The following MYRIP variants were observed in gnomAD, a reference collection of about 807,000 sequenced individuals.
MYRIP encodes the protein myosin VIIA and Rab interacting protein.
Under a neutral mutation model 98.0 loss-of-function variants are expected in MYRIP, and 49 were observed. That is an observed-to-expected ratio of 0.50 (90% CI 0.40 to 0.63). MYRIP has a LOEUF of 0.63. Ranked by LOEUF, MYRIP falls within the 30% of genes least tolerant of loss-of-function variation. MYRIP has a pLI of 0.00. For missense variants in MYRIP, 1,004 were observed against 1,058.2 expected, an observed-to-expected ratio of 0.95 and a Z score of 0.71; for synonymous variants, 404 against 409.5, an observed-to-expected ratio of 0.99 and a Z score of 0.16.
At chr3:39,996,428 G>A (rs901952554) in intron 2 of MYRIP, among the ~76,000 whole-genome samples, 2 of 152,160 alleles carry the variant, frequency 1.3e-5, no homozygotes, top group Non-Finnish European at 2.9e-5. Flanking sequence ...GATCAAAGGA[G>A]ACAAAGAAGG....
chr3:39,923,179 T>C (rs1226104243), intron 2 of MYRIP, among the ~76,000 whole-genome samples: 1 of 151,924 alleles, frequency 6.6e-6, no homozygotes, highest in East Asian at 1.9e-4. Flanking sequence ...GGACTGAAAG[T>C]GAATAGAGCC....
intron 2 of MYRIP, among the ~76,000 whole-genome samples, chr3:40,025,895 G>A (rs1947114355): frequency 6.6e-6 from 1 of 152,082 alleles, no homozygotes; most frequent in Non-Finnish European, 1.5e-5. Context: ...AGATCACAAG[G>A]CAAAGAGCAA....
intron 3 of MYRIP, among the ~76,000 whole-genome samples, chr3:40,048,412 G>A (rs1947715570): frequency 6.6e-6 from 1 of 151,970 alleles, no homozygotes; most frequent in Non-Finnish European, 1.5e-5. Context: ...AAAAATTCTT[G>A]TCCACAAAAA....
intron 1 of MYRIP, among the ~76,000 whole-genome samples, chr3:39,894,375 A>T (rs1205835820): frequency 6.6e-6 from 1 of 152,178 alleles, no homozygotes; most frequent in Non-Finnish European, 1.5e-5. Flanking sequence ...TGAACTTTAT[A>T]CAATTGGGAT....
intron 3 of MYRIP, among the ~76,000 whole-genome samples, chr3:40,113,531 TA>T (rs1257279355): frequency 5.9e-5 from 9 of 152,202 alleles, no homozygotes; most frequent in African/African-American, 1.4e-4. Context: ...GATAGTTATT[TA>T]ATAAATACTG....
Position 40,204,007 on chromosome 3 carries a change from T to TA in MYRIP, c.1666-5847_1666-5846insA, listed in dbSNP as rs1951683339. On this transcript the variant is annotated intron_variant, in intron 10 of 16. Coordinates refer to ENST00000302541, the MANE Select transcript of MYRIP (RefSeq NM_015460.4). ...TAATATATATTATATATATTATATA[T>TA]TATATATAATATATATTATATATAT... Among the ~76,000 whole-genome samples the TA allele has an allele frequency of 5.5e-4, 4 of 7,208 alleles. 1 individual carries two copies. The highest frequency in any genetic ancestry group is 1.6e-3 in the African/African-American group (4 of 2,578). 4.7% of individuals were successfully genotyped at this position (7,208 alleles called of 152,430 possible).
At chr3:40,128,454 TTTCA>T (rs2125916293) in intron 3 of MYRIP, among the ~76,000 whole-genome samples, 1 of 152,304 alleles carries the variant, frequency 6.6e-6, no homozygotes, top group South Asian at 2.1e-4. Flanking sequence ...TATATAGCAT[TTTCA>T]CAACACCCTT....
chr3:39,858,398 G>C (rs1175848851), intron 1 of MYRIP, among the ~76,000 whole-genome samples: 1 of 152,030 alleles, frequency 6.6e-6, no homozygotes, highest in African/African-American at 2.4e-5. Flanking sequence ...AAAGAAAATA[G>C]TAACAGAGTT....
chr3:39,931,472 T>C (rs1208925882), intron 2 of MYRIP, among the ~76,000 whole-genome samples: 1 of 152,040 alleles, frequency 6.6e-6, no homozygotes, highest in African/African-American at 2.4e-5. Context: ...CATCTTTGCA[T>C]AGAGATAATT....
At chr3:40,128,018 C>T (rs538717758) in intron 3 of MYRIP, among the ~76,000 whole-genome samples, 2 of 152,152 alleles carry the variant, frequency 1.3e-5, no homozygotes, top group Non-Finnish European at 2.9e-5. Context: ...TCTGAAAAAC[C>T]TAGAATGCTT....
chr3:39,886,449 A>T (rs1480483801), intron 1 of MYRIP, among the ~76,000 whole-genome samples: 5 of 149,192 alleles, frequency 3.4e-5, no homozygotes, highest in African/African-American at 1.2e-4. Flanking sequence ...AACCCATCTC[A>T]CGTGCAGAGA....
chr3:39,917,457 A>T (rs552039414), intron 2 of MYRIP, among the ~76,000 whole-genome samples: 5 of 120,730 alleles, frequency 4.1e-5, no homozygotes, highest in African/African-American at 6.7e-5. Context: ...TAAAAAAAAT[A>T]AAAAAATAGG....
intron 3 of MYRIP, among the ~76,000 whole-genome samples, chr3:40,138,187 T>G (rs1949820995): frequency 6.6e-6 from 1 of 152,172 alleles, no homozygotes; most frequent in Non-Finnish European, 1.5e-5. Flanking sequence ...TAAGAATCAC[T>G]CATTTGCAGC....
At chr3:40,117,688 A>T (rs1194804622) in intron 3 of MYRIP, among the ~76,000 whole-genome samples, 1 of 152,200 alleles carries the variant, frequency 6.6e-6, no homozygotes, top group Non-Finnish European at 1.5e-5. Flanking sequence ...GATGCGATGG[A>T]CATAAAGGCA....
rs1950513377 is a variant in MYRIP at position 40,166,933 on chromosome 3, G to C, written c.638G>C (p.Gly213Ala). 6.2e-7 allele frequency: 1 copy of C among 1,613,470 alleles called. No homozygotes were observed. Among genetic ancestry groups the C allele is most frequent in the Non-Finnish European group, 8.5e-7 (1 of 1,179,466 alleles). The change falls in exon 6 of 17, where the codon GGG becomes GCG. Residue 213 changes from glycine to alanine, a missense_variant. Gly to Ala is a moderately conservative substitution (Grantham distance 60, BLOSUM62 0). Around this residue, in one of 3 missense-constraint regions of MYRIP, gnomAD observed 880 missense variants for 907.7 expected, o/e 0.97. Transcript: ENST00000302541. ...EEAISKAEAY[G>A]DSLDKQNEAS... ...GCAATTTCCAAAGCAGAGGCATATG[G>C]GGACAGCCTGGTAGGGCCCCTCCTG...
chr3:40,054,598 A>C (rs1469051133), intron 3 of MYRIP, among the ~76,000 whole-genome samples: 3 of 152,168 alleles, frequency 2.0e-5, no homozygotes. Flanking sequence ...CCTTAAGAGA[A>C]AAAAGACTGA....
At chr3:39,812,923 G>A (rs1940747077) in intron 1 of MYRIP, among the ~76,000 whole-genome samples, 1 of 152,226 alleles carries the variant, frequency 6.6e-6, no homozygotes, top group Non-Finnish European at 1.5e-5. Context: ...TCCATGGGTA[G>A]AACTCTATCC....
At chr3:40,044,022 T>A (rs1559377979) in intron 2 of MYRIP, 28 bp from the exon 3 acceptor site, 1 of 1,607,542 alleles carries the variant, frequency 6.2e-7, no homozygotes, top group Admixed American at 1.7e-5. Context: ...TCTCTCCTCC[T>A]CCCATTTCCC....
chr3:40,256,923 C>T (rs1953611368), intron 16 of MYRIP, among the ~76,000 whole-genome samples: 1 of 152,162 alleles, frequency 6.6e-6, no homozygotes, highest in South Asian at 2.1e-4. Flanking sequence ...GTGCCCATCA[C>T]ACACAGGCAC....
Sources: allele counts gnomAD v4.1 joint callset (sites outside exome capture counted in the v4.1 genomes callset), GRCh38; gene constraint gnomAD v4.1.1; regional missense constraint gnomAD v4.1.1; transcripts MANE v1.5; gene names NCBI Gene and HGNC (gene_info 2026-07-23, HGNC 2026-07-21).